Variants in CDH23 observed in about 807,000 individuals in gnomAD.
CDH23 encodes the protein cadherin-23.
CDH23 carries 189 observed loss-of-function variants against 317.1 expected under a neutral mutation model. The observed-to-expected ratio is 0.60, with a 90% CI of 0.53 to 0.67. CDH23 has a LOEUF of 0.67. Among genes scored for constraint, CDH23 ranks in the 30% least tolerant of loss-of-function variants. The pLI, the probability that CDH23 is intolerant of heterozygous loss-of-function variation, is 0.00. For synonymous variants in CDH23, 1,839 were observed against 1,876.8 expected (o/e 0.98, Z 0.52); for missense variants, 4,401 against 4,592.4 (o/e 0.96, Z 1.20).
At position 71,777,777 on chromosome 10, in the gene CDH23, A is replaced by C; in HGVS notation, c.4943A>C (p.Asp1648Ala). Residue 1648 changes from aspartate (D) to alanine (A), a missense_variant, in exon 39 of 70, where the codon GAC becomes GCC. Physicochemically the swap from Asp to Ala is moderately radical, Grantham distance 126. This residue lies in a region of CDH23 where 3,068 missense variants were observed against 3,203.3 expected (regional missense o/e 0.96). Coordinates refer to ENST00000224721, the MANE Select transcript of CDH23 (RefSeq NM_022124.6). ...GAGGTGCTGCTGGATGAGGGCCCAG[A>C]CACGCTCAACACCAGCCTCATCACC... ...HYEVLLDEGP[D>A]TLNTSLITIQ... The C allele has an allele frequency of 1.2e-6, 2 of 1,613,874 alleles. No homozygotes were observed. The highest frequency in any genetic ancestry group is 1.7e-6 in the Non-Finnish European group (2 of 1,179,852).
At chr10:71,678,773 G>T (rs1864482017) in intron 16 of CDH23, among the ~76,000 whole-genome samples, 1 of 152,176 alleles carries the variant, frequency 6.6e-6, no homozygotes, top group South Asian at 2.1e-4. Flanking sequence ...GGGATCCCTG[G>T]CCCCACTCCA....
intron 3 of CDH23, among the ~76,000 whole-genome samples, chr10:71,486,615 T>C (rs1304907768): frequency 1.3e-5 from 2 of 152,176 alleles, no homozygotes; most frequent in African/African-American, 4.8e-5. Flanking sequence ...ACAGGTATCA[T>C]AGTCCTCATT....
At chr10:71,574,169 A>G (rs10823788) in intron 8 of CDH23, among the ~76,000 whole-genome samples, 23,701 of 113,362 alleles carry the variant, frequency 0.21, 2,676 homozygotes, top group East Asian at 0.59. Context: ...ACCTTTCCCC[A>G]CTCTCCCCAA....
At chr10:71,412,423 T>C (rs1414854046) in intron 1 of CDH23, among the ~76,000 whole-genome samples, 1 of 152,240 alleles carries the variant, frequency 6.6e-6, no homozygotes, top group Non-Finnish European at 1.5e-5. Context: ...ATATTCCCAC[T>C]AGCAATGTAC....
At chr10:71,496,834 T>G (rs1186962795) in intron 3 of CDH23, among the ~76,000 whole-genome samples, 1 of 33,530 alleles carries the variant, frequency 3.0e-5, no homozygotes, top group Non-Finnish European at 8.7e-5. Context: ...GGTGTACAGA[T>G]GGACAGTTGG....
intron 14 of CDH23, among the ~76,000 whole-genome samples, chr10:71,659,854 G>A (rs1269048665): frequency 1.3e-5 from 2 of 151,970 alleles, no homozygotes; most frequent in Non-Finnish European, 2.9e-5. Context: ...TATTTCTCTA[G>A]TGTTCACTAC....
rs1451205932 is a variant in CDH23 at position 71,544,091 on chromosome 10, CAG to C, written c.430-22648_430-22647del. On this transcript the variant is annotated intron_variant, in intron 6 of 69. Transcript: ENST00000224721. The stretch of plus-strand genomic sequence containing the variant: ...AAGGAGGCAGGCCTGAGCTTTTAAT[CAG>C]AGTTATGTTAGATAAAGCTTTTATT... Among the ~76,000 whole-genome samples, 9 of 152,318 alleles carry C rather than the reference CAG, an allele frequency of 5.9e-5. No homozygotes were observed. In the East Asian group the frequency reaches 1.5e-3, roughly 26 times the overall value.
intron 38 of CDH23, 133 bp from the exon 39 acceptor site, chr10:71,777,547 C>T: frequency 6.7e-6 from 5 of 745,704 alleles, no homozygotes; most frequent in East Asian, 2.7e-5. Flanking sequence ...CTGTGACCCA[C>T]CCCCTGCTTT....
intron 14 of CDH23, among the ~76,000 whole-genome samples, chr10:71,671,438 G>A (rs1864142112): frequency 1.3e-5 from 2 of 152,140 alleles, no homozygotes; most frequent in South Asian, 4.1e-4. Flanking sequence ...GCAGGAAGAG[G>A]AAATTTTGTT....
At chr10:71,439,923 A>G (rs1260705727) in intron 2 of CDH23, 25 bp downstream of exon 2, 4 of 1,552,800 alleles carry the variant, frequency 2.6e-6, no homozygotes, top group Non-Finnish European at 2.6e-6. Flanking sequence ...CCCCGTGTCT[A>G]TCCCATGGGC....
At chr10:71,654,276 C>T (rs1202125343) in intron 14 of CDH23, among the ~76,000 whole-genome samples, 1 of 152,206 alleles carries the variant, frequency 6.6e-6, no homozygotes, top group Non-Finnish European at 1.5e-5. Context: ...GCCCTGCGTG[C>T]TCATGTTACT....
intron 66 of CDH23, 107 bp from the exon 67 acceptor site, chr10:71,812,373 G>A (rs553712094): frequency 1.2e-6 from 2 of 1,602,216 alleles, no homozygotes; most frequent in African/African-American, 1.3e-5. Context: ...GTCAGTGAAA[G>A]GCACTATATG....
intron 38 of CDH23, among the ~76,000 whole-genome samples, chr10:71,758,499 T>G (rs955887349): frequency 6.6e-6 from 1 of 152,186 alleles, no homozygotes; most frequent in Non-Finnish European, 1.5e-5. Context: ...CTTAGGGCAG[T>G]GCCCTCTTAC....
chr10:71,473,367 C>T (rs192793993), intron 3 of CDH23, among the ~76,000 whole-genome samples: 17 of 152,348 alleles, frequency 1.1e-4, no homozygotes, highest in Admixed American at 3.9e-4. Flanking sequence ...CAAGGGCCCT[C>T]TGTGCACCTG....
chr10:71,701,975 C>T (rs942987455), intron 22 of CDH23, 47 bp from the exon 23 acceptor site: 2 of 1,597,492 alleles, frequency 1.3e-6, no homozygotes, highest in South Asian at 1.1e-5. Flanking sequence ...CCAGAGACAC[C>T]CTCCCCAGGC....
intron 9 of CDH23, among the ~76,000 whole-genome samples, chr10:71,610,220 C>T (rs1860792688): frequency 6.6e-6 from 1 of 152,194 alleles, no homozygotes; most frequent in Non-Finnish European, 1.5e-5. Context: ...CCATGCTGGT[C>T]TTGAAATGCT....
intron 20 of CDH23, among the ~76,000 whole-genome samples, chr10:71,692,023 C>G (rs1865203066): frequency 1.3e-5 from 2 of 152,170 alleles, no homozygotes; most frequent in Non-Finnish European, 2.9e-5. Context: ...TCCCAGGGGT[C>G]TCAGAGTCAT....
Position 71,785,084 on chromosome 10 carries a change from T to G in CDH23, c.5696T>G (p.Phe1899Cys). Residue 1899 changes from phenylalanine to cysteine, a missense_variant, in exon 43 of 70, where the codon TTC becomes TGC. Around this residue, in one of 3 missense-constraint regions of CDH23, gnomAD observed 3,068 missense variants for 3,203.3 expected, o/e 0.96. Coordinates refer to ENST00000224721, the MANE Select transcript of CDH23 (RefSeq NM_022124.6). ...NITAGNRERA[F>C]FINATTGIVT... ...ACTGCGGGCAACCGCGAGCGGGCCT[T>G]CTTCATCAATGCCACGGTAGGGCCT... 1 of 1,613,940 alleles carries G rather than the reference T, an allele frequency of 6.2e-7. No individual in the cohort carries two copies. The highest frequency in any genetic ancestry group is 8.5e-7 in the Non-Finnish European group (1 of 1,179,776).
At chr10:71,584,231 T>C (rs185135373) in intron 9 of CDH23, among the ~76,000 whole-genome samples, 124 of 152,182 alleles carry the variant, frequency 8.1e-4, no homozygotes, top group Non-Finnish European at 1.1e-3. Context: ...AGGAAAGCAA[T>C]TACGTAAAAA....
Sources: gnomAD v4.1 joint callset for allele counts (sites outside exome capture counted in the v4.1 genomes callset) on GRCh38, gnomAD v4.1.1 for gene constraint, gnomAD v4.1.1 regional missense constraint, MANE v1.5 for transcripts, NCBI Gene and HGNC (gene_info 2026-07-23, HGNC 2026-07-21) for gene names.